Variants in VTI1A observed in about 807,000 individuals in gnomAD.
VTI1A encodes the protein vesicle transport through interaction with t-SNAREs homolog 1A.
A neutral mutation model predicts 34.9 loss-of-function variants in VTI1A; 22 were observed. The observed-to-expected ratio is 0.63, with a 90% confidence interval of 0.45 to 0.90. The LOEUF is 0.90. Ranked by LOEUF, VTI1A falls within the 40% of genes least tolerant of loss-of-function variation. The probability of loss-of-function intolerance (pLI) is 0.00; values close to 1 mark genes in which losing one functional copy is unlikely to be tolerated. For synonymous variants in VTI1A, 87 were observed against 97.3 expected, an observed-to-expected ratio of 0.89 and a Z score of 0.62; for missense variants, 268 against 275.6, an observed-to-expected ratio of 0.97 and a Z score of 0.20.
At chr10:112,622,308 G>C (rs947788366) in intron 5 of VTI1A, among the ~76,000 whole-genome samples, 1 of 152,158 alleles carries the variant, frequency 6.6e-6, no homozygotes, top group Non-Finnish European at 1.5e-5. Flanking sequence ...GACACACCCA[G>C]CTGAAGCAAG....
At chr10:112,612,636 T>A (rs972694820) in intron 5 of VTI1A, among the ~76,000 whole-genome samples, 2 of 152,064 alleles carry the variant, frequency 1.3e-5, no homozygotes, top group South Asian at 2.1e-4. Context: ...GTTGCCCAGG[T>A]TGGTCTAGAA....
intron 5 of VTI1A, among the ~76,000 whole-genome samples, chr10:112,565,047 C>CAG (rs1758826062): frequency 6.6e-6 from 1 of 152,026 alleles, no homozygotes; most frequent in Non-Finnish European, 1.5e-5. Flanking sequence ...TATATTTGAC[C>CAG]AGAGACCCAT....
chr10:112,568,726 C>T (rs1851997665), intron 5 of VTI1A, among the ~76,000 whole-genome samples: 2 of 152,154 alleles, frequency 1.3e-5, no homozygotes, highest in African/African-American at 4.8e-5. Context: ...CTTAACTGGT[C>T]ATCTTTTACC....
chr10:112,488,980 G>T (rs1353015688), intron 3 of VTI1A, among the ~76,000 whole-genome samples: 1 of 151,974 alleles, frequency 6.6e-6, no homozygotes, highest in South Asian at 2.1e-4. Context: ...CTCTTAGCTC[G>T]CAGTTTCCTC....
At chr10:112,661,968 C>T (rs1410955349) in intron 5 of VTI1A, among the ~76,000 whole-genome samples, 1 of 151,938 alleles carries the variant, frequency 6.6e-6, no homozygotes, top group African/African-American at 2.4e-5. Flanking sequence ...TACAGTGTTT[C>T]GCCATGTTGA....
chr10:112,660,786 T>C (rs1847417353), intron 5 of VTI1A, among the ~76,000 whole-genome samples: 1 of 152,162 alleles, frequency 6.6e-6, no homozygotes, highest in African/African-American at 2.4e-5. Flanking sequence ...CCCTAATTTG[T>C]TACAGCCTAC....
At chr10:112,743,075 A>ATT (rs1378195305) in intron 7 of VTI1A, among the ~76,000 whole-genome samples, 5 of 151,422 alleles carry the variant, frequency 3.3e-5, no homozygotes. Context: ...AATGAATTAA[A>ATT]CATTTGGAAA....
intron 5 of VTI1A, among the ~76,000 whole-genome samples, chr10:112,544,944 G>C (rs1394327634): frequency 6.6e-6 from 1 of 152,178 alleles, no homozygotes; most frequent in Non-Finnish European, 1.5e-5. Flanking sequence ...ATTTTATTCT[G>C]AGTAGGGTGT....
downstream of VTI1A, among the ~76,000 whole-genome samples, chr10:112,821,157 C>A (rs1054391281): frequency 7.2e-5 from 11 of 152,214 alleles, no homozygotes; most frequent in Non-Finnish European, 1.2e-4. Context: ...ACTGTGATTC[C>A]ATGAACTCGC....
At chr10:112,654,445 A>G (rs1177812197) in intron 5 of VTI1A, among the ~76,000 whole-genome samples, 5 of 147,976 alleles carry the variant, frequency 3.4e-5, no homozygotes, top group African/African-American at 9.9e-5. Context: ...TCACCTTAAA[A>G]CTCTTTCAGA....
At chr10:112,764,819 A>G (rs1851593058) in intron 7 of VTI1A, among the ~76,000 whole-genome samples, 1 of 152,244 alleles carries the variant, frequency 6.6e-6, no homozygotes, top group Non-Finnish European at 1.5e-5. Flanking sequence ...AATCTGTATT[A>G]GTGAATATTT....
At chr10:112,670,088 G>A (rs190810695) in intron 7 of VTI1A, among the ~76,000 whole-genome samples, 42 of 152,086 alleles carry the variant, frequency 2.8e-4, no homozygotes, top group Non-Finnish European at 6.0e-4. Flanking sequence ...CTATGTAAAT[G>A]GCCTAAGAAA....
intron 7 of VTI1A, among the ~76,000 whole-genome samples, chr10:112,807,914 C>T (rs1051669152): frequency 3.9e-5 from 6 of 151,986 alleles, no homozygotes; most frequent in Non-Finnish European, 5.9e-5. Flanking sequence ...CAAAGACCTT[C>T]TTTCCAGGCT....
chr10:112,517,316 G>A (rs895450707), intron 3 of VTI1A, among the ~76,000 whole-genome samples: 2 of 151,962 alleles, frequency 1.3e-5, no homozygotes, highest in African/African-American at 4.8e-5. Flanking sequence ...GGCACAATCT[G>A]AGCAACAAAA....
chr10:112,664,204 C>G (rs1847562695), intron 5 of VTI1A, among the ~76,000 whole-genome samples: 1 of 152,180 alleles, frequency 6.6e-6, no homozygotes, highest in African/African-American at 2.4e-5. Flanking sequence ...GAGTGTCCTG[C>G]ATATTCCAAA....
intron 7 of VTI1A, among the ~76,000 whole-genome samples, chr10:112,745,135 C>T (rs1280911259): frequency 6.6e-6 from 1 of 151,948 alleles, no homozygotes. Flanking sequence ...CTGCATAATC[C>T]CTGGCCATTT....
the VTI1A span, among the ~76,000 whole-genome samples, chr10:112,838,231 GT>G: frequency 6.6e-6 from 1 of 152,144 alleles, no homozygotes; most frequent in Non-Finnish European, 1.5e-5. Flanking sequence ...ACAGCCCCAG[GT>G]GGCTGGGGCC....
chr10:112,583,464 C>T (rs1844030937), intron 5 of VTI1A, among the ~76,000 whole-genome samples: 2 of 152,160 alleles, frequency 1.3e-5, no homozygotes, highest in Non-Finnish European at 1.5e-5. Context: ...CATGCAGTTC[C>T]GTCTTTCAGT....
intron 5 of VTI1A, among the ~76,000 whole-genome samples, chr10:112,571,043 G>C (rs1413458463): frequency 6.6e-6 from 1 of 152,180 alleles, no homozygotes; most frequent in Non-Finnish European, 1.5e-5. Context: ...ATACTGTACT[G>C]TGCTGTTCCC....
Sources: gnomAD v4.1 joint callset for allele counts (sites outside exome capture counted in the v4.1 genomes callset) on GRCh38, gnomAD v4.1.1 for gene constraint, MANE v1.5 for transcripts, NCBI Gene and HGNC (gene_info 2026-07-23, HGNC 2026-07-21) for gene names.